Variants in GLRA2 observed in about 807,000 individuals in gnomAD.
GLRA2 encodes glycine receptor subunit alpha-2.
A neutral mutation model predicts 31.6 loss-of-function variants in GLRA2; 11 were observed. That is an observed-to-expected ratio of 0.35 (90% CI 0.22 to 0.58). GLRA2 has a LOEUF of 0.58. Ranked by LOEUF, GLRA2 falls within the 20% of genes least tolerant of loss-of-function variation. The pLI is 0.84. For missense variants in GLRA2, 212 were observed against 351.8 expected (o/e 0.60, Z 3.18); for synonymous variants, 132 against 134.0 (o/e 0.99, Z 0.10).
chrX:14,613,166 T>C (rs1006093430), intron 7 of GLRA2, among the ~76,000 whole-genome samples: 2 of 111,641 alleles, frequency 1.8e-5, no homozygotes, highest in African/African-American at 6.5e-5. Flanking sequence ...AGCCCAGTTT[T>C]TCTACATCGT....
At chrX:14,647,055 A>G (rs1481079776) in intron 7 of GLRA2, among the ~76,000 whole-genome samples, 1 of 111,763 alleles carries the variant, frequency 8.9e-6, no homozygotes, top group Non-Finnish European at 1.9e-5. Flanking sequence ...AAGCATGAAC[A>G]GATGTTGGGC....
intron 2 of GLRA2, among the ~76,000 whole-genome samples, chrX:14,571,725 T>C (rs2089885829): frequency 9.2e-6 from 1 of 109,166 alleles, no homozygotes; most frequent in African/African-American, 3.4e-5. Flanking sequence ...AAAAAACTTT[T>C]TTTCTTTCTA....
the GLRA2 span, among the ~76,000 whole-genome samples, chrX:14,493,711 GTATACATATATACGTGTATA>G: frequency 1.2e-5 from 1 of 82,052 alleles, no homozygotes; most frequent in African/African-American, 4.9e-5. Flanking sequence ...GTATACACAT[GTATACATATATACGTGTATA>G]TGTATACATA....
the GLRA2 span, among the ~76,000 whole-genome samples, chrX:14,518,204 C>T: frequency 9.0e-6 from 1 of 111,474 alleles, no homozygotes; most frequent in Non-Finnish European, 1.9e-5. Context: ...TCTGAAGAGG[C>T]CAAGTGTTGG....
intron 2 of GLRA2, among the ~76,000 whole-genome samples, chrX:14,551,931 T>C (rs1171592413): frequency 8.9e-6 from 1 of 112,252 alleles, no homozygotes; most frequent in Non-Finnish European, 1.9e-5. Flanking sequence ...CCTTCAGAAC[T>C]AAGGAGAATG....
intron 7 of GLRA2, among the ~76,000 whole-genome samples, chrX:14,611,347 GA>G (rs2147098417): frequency 8.9e-6 from 1 of 112,830 alleles, no homozygotes; most frequent in East Asian, 2.8e-4. Context: ...AGAAAAGACA[GA>G]AAACACAGAA....
intron 7 of GLRA2, among the ~76,000 whole-genome samples, chrX:14,610,807 G>T (rs991320883): frequency 8.9e-6 from 1 of 112,114 alleles, no homozygotes; most frequent in Non-Finnish European, 1.9e-5. Flanking sequence ...CTTCAAAATG[G>T]GAGTTTGAGT....
chrX:14,706,980 T>C (rs942783792), intron 8 of GLRA2, among the ~76,000 whole-genome samples: 1 of 111,314 alleles, frequency 9.0e-6, no homozygotes, highest in African/African-American at 3.3e-5. Context: ...ACAGAATCAT[T>C]GAATGTTCTT....
At chrX:14,683,278 G>C (rs1332440968) in intron 7 of GLRA2, among the ~76,000 whole-genome samples, 1 of 111,898 alleles carries the variant, frequency 8.9e-6, no homozygotes, top group Non-Finnish European at 1.9e-5. Flanking sequence ...TTGTGCTTTT[G>C]ATTTGCATTT....
In GLRA2 at chrX:14,682,789, G is replaced by C. The variant is rs1348394763; in HGVS notation, c.931-7921G>C. ...TTGTTCAATTCTCACCTATGAGTGAGAATATGCGGTGTTTGGTTTTTTGTC... is the reference window on the plus strand; with the variant it reads ...TTGTTCAATTCTCACCTATGAGTGACAATATGCGGTGTTTGGTTTTTTGTC... On this transcript the variant is annotated intron_variant, in intron 7 of 8. Transcript: ENST00000218075. 2.8e-5 allele frequency among the ~76,000 whole-genome samples: 3 copies of C among 105,735 alleles called. No homozygotes were observed. The Admixed American group carries it at 3.1e-4, about 11-fold the overall frequency. The allele number at this position is 105,735 out of a possible 115,157, so 91.8% of individuals were successfully genotyped here. A position where few individuals can be genotyped will look rare whatever the true frequency, so the allele number is the denominator to read the frequency against.
chrX:14,697,153 T>TA (rs780329349), intron 8 of GLRA2, among the ~76,000 whole-genome samples: 27 of 111,640 alleles, frequency 2.4e-4, no homozygotes, highest in South Asian at 1.9e-3. Context: ...CCAGGTACTC[T>TA]TCTAGATACT....
chrX:14,538,047 A>G (rs1018642539), intron 2 of GLRA2, among the ~76,000 whole-genome samples: 1 of 108,748 alleles, frequency 9.2e-6, no homozygotes, highest in African/African-American at 3.3e-5. Context: ...AAGGTTTTTC[A>G]GGGATTTGAA....
chrX:14,564,923 GAAAAT>G (rs760919318), intron 2 of GLRA2, among the ~76,000 whole-genome samples: 76 of 110,056 alleles, frequency 6.9e-4, no homozygotes, highest in Non-Finnish European at 1.2e-3. Flanking sequence ...GAAATGAAAA[GAAAAT>G]CCAAATGGTT....
chrX:14,725,337 C>T (rs967176007), intron 8 of GLRA2, among the ~76,000 whole-genome samples: 1 of 111,534 alleles, frequency 9.0e-6, no homozygotes, highest in African/African-American at 3.3e-5. Context: ...ATCATTCAAC[C>T]ATCATTTGCT....
chrX:14,530,972 A>G (rs2089247097), intron 1 of GLRA2: 1 of 862,531 alleles, frequency 1.2e-6, no homozygotes, highest in Admixed American at 4.8e-5. Flanking sequence ...TTTTTCACAG[A>G]ACCAAGATAA....
chrX:14,610,014 C>T (rs1476160559), intron 7 of GLRA2, among the ~76,000 whole-genome samples: 1 of 112,110 alleles, frequency 8.9e-6, no homozygotes, highest in Admixed American at 9.4e-5. Flanking sequence ...TTTTGAAATG[C>T]TCTAGCACCC....
rs186305299 is a variant in GLRA2, at chrX:14,548,675, C to T, written c.202+16303C>T. ...AACATGGATGGATAGTGACATCTAA[C>T]TTATCCAAATAGAATCCCTGGCCTA... On this transcript the variant is annotated intron_variant, in intron 2 of 8. Coordinates refer to ENST00000218075, the MANE Select transcript of GLRA2 (RefSeq NM_002063.4). 4.9e-4 allele frequency among the ~76,000 whole-genome samples: 55 copies of T among 111,879 alleles called. 1 individual carries two copies. The East Asian group carries it at 0.012, about 25-fold the overall frequency.
chrX:14,465,494 G>A, the GLRA2 span, among the ~76,000 whole-genome samples: 4 of 112,088 alleles, frequency 3.6e-5, no homozygotes, highest in Non-Finnish European at 7.5e-5. Flanking sequence ...TTATAATGAA[G>A]CTATTGGCAC....
chrX:14,671,618 G>T (rs908273874), intron 7 of GLRA2, among the ~76,000 whole-genome samples: 1 of 111,746 alleles, frequency 8.9e-6, no homozygotes, highest in Non-Finnish European at 1.9e-5. Flanking sequence ...AGTGTTCTAG[G>T]CTTCCTTGCA....
Sources: allele counts gnomAD v4.1 joint callset (sites outside exome capture counted in the v4.1 genomes callset), GRCh38; gene constraint gnomAD v4.1.1; transcripts MANE v1.5; gene names NCBI Gene and HGNC (gene_info 2026-07-23, HGNC 2026-07-21).